The following S100B variants were observed in gnomAD, a reference collection of about 807,000 sequenced individuals.
The protein encoded by S100B is S100 calcium binding protein B.
Under a neutral mutation model 7.7 loss-of-function variants are expected in S100B, and 6 were observed. The observed-to-expected ratio is 0.78, with a 90% CI of 0.43 to 1.54. The LOEUF (loss-of-function observed/expected upper bound fraction) is 1.54. Ranked by LOEUF, S100B falls within the 40% of genes most tolerant of loss-of-function variation. S100B has a pLI of 0.01. For missense variants in S100B, 99 were observed against 111.8 expected, an observed-to-expected ratio of 0.89 and a Z score of 0.52; for synonymous variants, 36 against 40.4, an observed-to-expected ratio of 0.89 and a Z score of 0.41.
At chr21:46,603,256 G>C (rs1488300560) in intron 1 of S100B, among the ~76,000 whole-genome samples, 12 of 151,730 alleles carry the variant, frequency 7.9e-5, no homozygotes. Flanking sequence ...TGTATCCTAA[G>C]TTTAACTGAT....
intron 2 of S100B, 106 bp from the exon 3 acceptor site, chr21:46,599,609 C>G: frequency 1.0e-6 from 1 of 990,202 alleles, no homozygotes; most frequent in Non-Finnish European, 1.6e-6. Flanking sequence ...TCCGAAATAA[C>G]CTAAGAACAT....
intron 1 of S100B, among the ~76,000 whole-genome samples, chr21:46,603,398 T>TGGGGGGAGGGGGGGGCGGGGGGGGGGGA: frequency 7.7e-5 from 4 of 52,066 alleles, no homozygotes; most frequent in African/African-American, 2.1e-4. Flanking sequence ...CGGGAGGGGG[T>TGGGGGGAGGGGGGGGCGGGGGGGGGGGA]GGGGGCAGGA....
intron 2 of S100B, 28 bp downstream of exon 2, chr21:46,602,250 A>C (rs1182612936): frequency 6.3e-7 from 1 of 1,598,450 alleles, no homozygotes; most frequent in South Asian, 1.1e-5. Flanking sequence ...AGATGGAGAA[A>C]GTGTCAAGTT....
intron 1 of S100B, among the ~76,000 whole-genome samples, chr21:46,603,568 C>A (rs1019973186): frequency 6.6e-6 from 1 of 152,206 alleles, no homozygotes; most frequent in African/African-American, 2.4e-5. Context: ...AAAACAGATG[C>A]GCAGTCAGAG....
At chr21:46,603,392 A>AGGGGGGGGCGGGGG (rs1555923741) in intron 1 of S100B, among the ~76,000 whole-genome samples, 2,096 of 38,378 alleles carry the variant, frequency 0.055, 108 homozygotes, top group Non-Finnish European at 0.077. Flanking sequence ...GGACGGCGGG[A>AGGGGGGGGCGGGGG]GGGGGTGGGG....
At chr21:46,602,164 A>T in intron 2 of S100B, 114 bp downstream of exon 2, 1 of 983,152 alleles carries the variant, frequency 1.0e-6, no homozygotes, top group Non-Finnish European at 1.5e-6. Flanking sequence ...GCAGCCCAGG[A>T]GTCTTGGAAG....
chr21:46,603,749 C>A (rs1419907371), intron 1 of S100B, among the ~76,000 whole-genome samples: 6 of 143,532 alleles, frequency 4.2e-5, no homozygotes, highest in Non-Finnish European at 6.1e-5. Context: ...TTCTGATCCT[C>A]CGAAGGAAAC....
In S100B at chr21:46,599,241, A is replaced by G; in HGVS notation, c.*122T>C. ...CAATTTTTCAATCACAAAGCAAATC[A>G]AGCTTCCTAATTAGCTACAACACGG... is the stretch of plus-strand genomic sequence containing the variant. On this transcript the variant is annotated 3_prime_UTR_variant, in exon 3 of 3. Coordinates refer to ENST00000291700, the MANE Select transcript of S100B (RefSeq NM_006272.3). 1 of 896,358 alleles carries G rather than the reference A, an allele frequency of 1.1e-6. No homozygotes were observed. The highest frequency in any genetic ancestry group is 1.7e-6 in the Non-Finnish European group (1 of 572,518). The allele number at this position is 896,358 out of a possible 1,614,324, so 55.5% of individuals were successfully genotyped here.
chr21:46,599,685 T>G (rs902932612), intron 2 of S100B, among the ~76,000 whole-genome samples, 182 bp from the exon 3 acceptor site: 26 of 151,990 alleles, frequency 1.7e-4, no homozygotes, highest in African/African-American at 6.0e-4. Context: ...CAGAAATCTC[T>G]GGGGGTCAGT....
chr21:46,600,118 A>G (rs1012572591), intron 2 of S100B, among the ~76,000 whole-genome samples: 1 of 152,244 alleles, frequency 6.6e-6, no homozygotes, highest in Non-Finnish European at 1.5e-5. Flanking sequence ...GTGCAGGGCT[A>G]CAAACGTGGT....
intron 2 of S100B, chr21:46,600,475 G>A (rs1228218315): frequency 8.3e-6 from 3 of 360,824 alleles, no homozygotes; most frequent in Non-Finnish European, 1.6e-5. Flanking sequence ...AGCCTGGGAG[G>A]TTGAGGCTGC....
In S100B at chr21:46,599,486, C is replaced by T; in HGVS notation, c.156G>A (p.Glu52=). 2 of 1,614,130 alleles carry T rather than the reference C, an allele frequency of 1.2e-6. No individual in the cohort carries two copies. The highest frequency in any genetic ancestry group is 1.7e-6 in the Non-Finnish European group (2 of 1,179,966). The change falls in exon 3 of 3, where the codon GAG becomes GAA. Residue 52 remains glutamate (E), a synonymous_variant. Transcript: ENST00000291700. The part of the protein sequence containing the change: ...SHFLEEIKEQ[E]VVDKVMETLD... ...GTGTTTCCATGACTTTGTCCACAAC[C>T]TCCTGCTCTTTGATTTCCTAAGAGA... is the stretch of plus-strand genomic sequence containing the variant.
chr21:46,599,440 C>G lies in S100B; in HGVS notation c.202G>C (p.Glu68Gln). 2 of 1,613,748 alleles carry G rather than the reference C, an allele frequency of 1.2e-6. No individual in the cohort carries two copies. The highest frequency in any genetic ancestry group is 1.7e-6 in the Non-Finnish European group (2 of 1,179,648). Residue 68 changes from glutamate (E) to glutamine (Q), a missense_variant, in exon 3 of 3, where the codon GAA (glutamate) becomes CAA (glutamine). By Grantham distance (29) the Glu-to-Gln change is conservative. Transcript: ENST00000291700. ...METLDNDGDG[E>Q]CDFQEFMAFV... ...GCCATGAATTCCTGGAAGTCACATT[C>G]GCCGTCTCCATCATTGTCCAGTGTT...
chr21:46,603,392 A>AGGGGGTGGGGGGTGGGGGGGGTGGGGG (rs796474856), intron 1 of S100B, among the ~76,000 whole-genome samples: 4 of 38,228 alleles, frequency 1.0e-4, no homozygotes, highest in African/African-American at 4.1e-4. Flanking sequence ...GGACGGCGGG[A>AGGGGGTGGGGGGTGGGGGGGGTGGGGG]GGGGGTGGGG....
At chr21:46,600,513 C>A (rs2061038666) in intron 2 of S100B, 1 of 311,402 alleles carries the variant, frequency 3.2e-6, no homozygotes, top group Non-Finnish European at 6.3e-6. Flanking sequence ...CCACTGCACT[C>A]CAACCTGGGT....
chr21:46,601,339 A>G (rs185987620), intron 2 of S100B, among the ~76,000 whole-genome samples: 2 of 152,304 alleles, frequency 1.3e-5, no homozygotes, highest in Non-Finnish European at 2.9e-5. Context: ...TCAGTGACCC[A>G]GGAAGCCCTT....
At chr21:46,603,392 A>AGGGGGTGGGGGGGGAGGGG (rs796474856) in intron 1 of S100B, among the ~76,000 whole-genome samples, 2 of 38,206 alleles carry the variant, frequency 5.2e-5, no homozygotes, top group Admixed American at 3.4e-4. Context: ...GGACGGCGGG[A>AGGGGGTGGGGGGGGAGGGG]GGGGGTGGGG....
chr21:46,602,299 A>G lies in S100B; in HGVS notation c.117T>C (p.Asn39=), dbSNP rs774487631. 10 of 1,610,468 alleles carry G rather than the reference A, an allele frequency of 6.2e-6. No individual in the cohort carries two copies. The highest frequency in any genetic ancestry group is 8.5e-6 in the Non-Finnish European group (10 of 1,176,914). Residue 39 remains asparagine (N), a synonymous_variant, in exon 2 of 3, where the codon AAT becomes AAC. Transcript: ENST00000291700. The part of the protein sequence containing the change: ...KKSELKELIN[N]ELSHFLEEIK... ...TCACCTCTAAGAAATGGGAAAGCTCATTGTTGATGAGCTCCTTCAGTTCGG... is the reference window on the plus strand; with the variant it reads ...TCACCTCTAAGAAATGGGAAAGCTCGTTGTTGATGAGCTCCTTCAGTTCGG...
At chr21:46,599,576 T>A (rs1180310485) in intron 2 of S100B, 73 bp from the exon 3 acceptor site, 2 of 1,306,440 alleles carry the variant, frequency 1.5e-6, no homozygotes, top group East Asian at 4.6e-5. Context: ...TGATTAAAAG[T>A]TGAGTGACTC....
Sources: gnomAD v4.1 joint callset for allele counts (sites outside exome capture counted in the v4.1 genomes callset) on GRCh38, gnomAD v4.1.1 for gene constraint, MANE v1.5 for transcripts, NCBI Gene and HGNC (gene_info 2026-07-23, HGNC 2026-07-21) for gene names.